TNPO2: variants seen among roughly 807,000 people sequenced by gnomAD.
TNPO2 encodes the protein transportin 2.
Under a neutral mutation model 111.1 loss-of-function variants are expected in TNPO2, and 16 were observed. That is an observed-to-expected ratio of 0.14 (90% confidence interval 0.10 to 0.22). The LOEUF (loss-of-function observed/expected upper bound fraction) is 0.22, where lower values mean the gene tolerates loss of function less well. Ranked by LOEUF, TNPO2 falls within the 10% of genes least tolerant of loss-of-function variation. The probability of loss-of-function intolerance (pLI) is 1.00; values close to 1 mark genes in which losing one functional copy is unlikely to be tolerated. For missense variants in TNPO2, 530 were observed against 1,173.7 expected (o/e 0.45, Z 8.01); for synonymous variants, 481 against 475.8 (o/e 1.01, Z -0.14).
In TNPO2 at chr19:12,710,745, G is replaced by T. The variant is rs2025989931; in HGVS notation, c.1146C>A (p.Val382=). 1 of 1,612,988 alleles carries T rather than the reference G, an allele frequency of 6.2e-7. No homozygotes were observed. The highest frequency in any genetic ancestry group is 2.2e-5 in the East Asian group (1 of 44,796). The change falls in exon 13 of 26, where the codon GTC becomes GTA. Residue 382 remains valine, a synonymous_variant. Transcript: ENST00000425528. The stretch of plus-strand genomic sequence containing the variant: ...GTTCCTCCCGGAAGACATTGGCGAG[G>T]ACGTCCAGTGCAGCCGCTGAGCACT... ...LRKCSAAALD[V]LANVFREELL...
intron 13 of TNPO2, among the ~76,000 whole-genome samples, chr19:12,708,095 T>A (rs1377265480): frequency 6.6e-6 from 1 of 152,172 alleles, no homozygotes; most frequent in African/African-American, 2.4e-5. Context: ...GTGCTGGGAT[T>A]ACAGGCGTGA....
At position 12,705,883 on chromosome 19, in the gene TNPO2, G is replaced by C; in HGVS notation, c.1669-115C>G. 10 of 803,404 alleles carry C rather than the reference G, an allele frequency of 1.2e-5. No homozygotes were observed. The South Asian group carries it at 1.9e-4, about 15-fold the overall frequency. The allele number at this position is 803,404 out of a possible 1,614,324, so 49.8% of individuals were successfully genotyped here. A position where few individuals can be genotyped will look rare whatever the true frequency, so the allele number is the denominator to read the frequency against. On this transcript the variant is annotated intron_variant, in intron 15 of 25. Coordinates refer to ENST00000425528, the MANE Select transcript of TNPO2 (RefSeq NM_001382241.1). The surrounding 1 kb of genome is among the most constrained non-coding windows in gnomAD (Gnocchi z 7.2). ...GCCTCACCGTGGCTCATGGGACCCTGAAAGGCCTGCCATCTGGCCAGACCT... is the reference window on the plus strand; with the variant it reads ...GCCTCACCGTGGCTCATGGGACCCTCAAAGGCCTGCCATCTGGCCAGACCT...
At chr19:12,717,194 G>T (rs2026410012) in intron 5 of TNPO2, among the ~76,000 whole-genome samples, 1 of 148,640 alleles carries the variant, frequency 6.7e-6, no homozygotes, top group African/African-American at 2.6e-5. Flanking sequence ...GTGTGCCTCA[G>T]TGCTTCCAGC....
Position 12,701,568 on chromosome 19 carries a change from A to G in TNPO2, c.2586+30T>C, listed in dbSNP as rs1224028503. The G allele has an allele frequency of 6.2e-7, 1 of 1,612,610 alleles. No individual in the cohort carries two copies. Among genetic ancestry groups the G allele is most frequent in the South Asian group, 1.1e-5 (1 of 91,040 alleles). On this transcript the variant is annotated intron_variant, in intron 24 of 25. Transcript: ENST00000425528. The surrounding 1 kb of genome is among the most constrained non-coding windows in gnomAD (Gnocchi z 5.0). ...TGGTCTCACCCCTGCCTGCTCCCGG[A>G]ACTAGATCAGGGCCCAGACAGAGCC...
At chr19:12,717,015 T>C (rs1046799351) in intron 5 of TNPO2, among the ~76,000 whole-genome samples, 1 of 152,136 alleles carries the variant, frequency 6.6e-6, no homozygotes, top group Admixed American at 6.5e-5. Flanking sequence ...ACAGTGCACA[T>C]ATCTGGTGAC....
At position 12,701,934 on chromosome 19, in the gene TNPO2, T is replaced by A; in HGVS notation, c.2412-83A>T. 7.0e-7 allele frequency: 1 copy of A among 1,422,644 alleles called. No homozygotes were observed. The highest frequency in any genetic ancestry group is 9.9e-7 in the Non-Finnish European group (1 of 1,009,110). The allele number at this position is 1,422,644 out of a possible 1,614,324, so 88.1% of individuals were successfully genotyped here. A position where few individuals can be genotyped will look rare whatever the true frequency, so the allele number is the denominator to read the frequency against. On this transcript the variant is annotated intron_variant, in intron 22 of 25. Transcript: ENST00000425528. The surrounding 1 kb of genome is among the most constrained non-coding windows in gnomAD (Gnocchi z 5.0). ...GGCTGGGTCACTGGGGATCAGTGAG[T>A]GGGCCTGGGACATGCATCTGTGGGG...
At position 12,699,710 on chromosome 19, in the gene TNPO2, G is replaced by A. The variant is rs2145428523; in HGVS notation, c.*1554C>T. ...CCAGAGACCTGCTCGAGTTTCATGG[G>A]GTGGGCGTGCAGGGACACCCAGCTA... is the stretch of plus-strand genomic sequence containing the variant. On this transcript the variant is annotated 3_prime_UTR_variant, in exon 26 of 26. Transcript: ENST00000425528. 1 of 152,232 alleles carries A rather than the reference G, an allele frequency of 6.6e-6. No homozygotes were observed. The highest frequency in any genetic ancestry group is 1.9e-4 in the East Asian group (1 of 5,162). The allele number at this position is 152,232 out of a possible 1,614,324, so 9.4% of individuals were successfully genotyped here.
intron 10 of TNPO2, among the ~76,000 whole-genome samples, chr19:12,714,043 A>G (rs1357555204): frequency 6.6e-6 from 1 of 152,144 alleles, no homozygotes; most frequent in African/African-American, 2.4e-5. Flanking sequence ...TAAAAAAGAA[A>G]AAAATGATTT....
chr19:12,711,137 G>A (rs544712528), intron 12 of TNPO2, 159 bp downstream of exon 12: 15 of 839,066 alleles, frequency 1.8e-5, no homozygotes, highest in Middle Eastern at 3.5e-4. Flanking sequence ...CTCGTGATCC[G>A]CCCGCCTCAG....
chr19:12,704,436 A>C (rs1176303709), intron 18 of TNPO2, among the ~76,000 whole-genome samples: 1 of 152,192 alleles, frequency 6.6e-6, no homozygotes, highest in East Asian at 1.9e-4. Context: ...ATTCTCCTGT[A>C]CACTTAGCAT....
Position 12,703,846 on chromosome 19 carries a change from T to C in TNPO2, c.2023-45A>G, listed in dbSNP as rs936444788. On this transcript the variant is annotated intron_variant, in intron 18 of 25. Transcript: ENST00000425528. ...CAGTGTGGCTAGGCTCCCCTCCTTCTAACCAGGACAGCTCAGGGGGCACAG... is the reference window on the plus strand; with the variant it reads ...CAGTGTGGCTAGGCTCCCCTCCTTCCAACCAGGACAGCTCAGGGGGCACAG... The C allele has an allele frequency of 4.6e-6, 7 of 1,508,170 alleles. No homozygotes were observed. In the Admixed American group the frequency reaches 6.1e-5, roughly 13 times the overall value. The allele number at this position is 1,508,170 out of a possible 1,614,324, so 93.4% of individuals were successfully genotyped here.
Position 12,701,952 on chromosome 19 carries a change from C to T in TNPO2, c.2412-101G>A. 7.2e-7 allele frequency: 1 copy of T among 1,390,258 alleles called. No homozygotes were observed. Among genetic ancestry groups the T allele is most frequent in the Non-Finnish European group, 1.0e-6 (1 of 979,094 alleles). 86.1% of individuals were successfully genotyped at this position (1,390,258 alleles called of 1,614,324 possible). ...CAGTGAGTGGGCCTGGGACATGCATCTGTGGGGGTGGGGCAGGGCAGGGAG... is the reference window on the plus strand; with the variant it reads ...CAGTGAGTGGGCCTGGGACATGCATTTGTGGGGGTGGGGCAGGGCAGGGAG... On this transcript the variant is annotated intron_variant, in intron 22 of 25. Transcript: ENST00000425528. This position sits in a 1 kb window ranked among gnomAD's most constrained non-coding sequence, Gnocchi z 5.0.
Position 12,721,100 on chromosome 19 carries a change from G to T in TNPO2, c.-13-110C>A, listed in dbSNP as rs2026666076. The T allele has an allele frequency of 2.0e-6, 3 of 1,526,174 alleles. No homozygotes were observed. Among genetic ancestry groups the T allele is most frequent in the Non-Finnish European group, 2.6e-6 (3 of 1,142,746 alleles). 94.5% of individuals were successfully genotyped at this position (1,526,174 alleles called of 1,614,324 possible). A position where few individuals can be genotyped will look rare whatever the true frequency, so the allele number is the denominator to read the frequency against. On this transcript the variant is annotated intron_variant, in intron 2 of 25. Transcript: ENST00000425528. This position sits in a 1 kb window ranked among gnomAD's most constrained non-coding sequence, Gnocchi z 4.9. ...GCATGACGACGGGAACGCCCTCGGC[G>T]GACAGGCGGAGGCCTCCGATCCACG...
intron 12 of TNPO2, 188 bp downstream of exon 12, chr19:12,711,108 A>C: frequency 1.4e-6 from 1 of 705,164 alleles, no homozygotes; most frequent in Non-Finnish European, 2.3e-6. Context: ...GTTAGCCAGG[A>C]TGGTGTTGAT....
rs970504141 is a variant in TNPO2, at chr19:12,719,597, A to G, written c.100-261T>C. ...TGGATCACAAGGTCAGGAGTTCGAG[A>G]CTAGCCTGGCCAGCGTGGTGAAACC... On this transcript the variant is annotated intron_variant, in intron 3 of 25. Transcript: ENST00000425528. This position sits in a 1 kb window ranked among gnomAD's most constrained non-coding sequence, Gnocchi z 5.0. Among the ~76,000 whole-genome samples, 17 of 152,262 alleles carry G rather than the reference A, an allele frequency of 1.1e-4. No homozygotes were observed. Among genetic ancestry groups the G allele is most frequent in the African/African-American group, 4.1e-4 (17 of 41,544 alleles).
Position 12,711,629 on chromosome 19 carries a change from C to G in TNPO2, c.891-16G>C. On this transcript the variant is annotated splice_polypyrimidine_tract_variant and intron_variant, in intron 10 of 25. Transcript: ENST00000425528. Reference sequence around the variant, plus strand: ...GGGGATCAACCTGCACAGAGAGGGACTGTTTATGGGGATGCAGGGGCCGTG... The same window carrying G: ...GGGGATCAACCTGCACAGAGAGGGAGTGTTTATGGGGATGCAGGGGCCGTG... 6 of 1,612,036 alleles carry G rather than the reference C, an allele frequency of 3.7e-6. No homozygotes were observed. Among genetic ancestry groups the G allele is most frequent in the Non-Finnish European group, 5.1e-6 (6 of 1,179,058 alleles).
intron 5 of TNPO2, among the ~76,000 whole-genome samples, chr19:12,717,573 G>A (rs764978065): frequency 1.7e-4 from 26 of 151,998 alleles, no homozygotes; most frequent in Admixed American, 7.9e-4. Flanking sequence ...TGCTCAGCCT[G>A]GATCAGTAAG....
chr19:12,710,824 G>A, intron 12 of TNPO2, 51 bp from the exon 13 acceptor site: 1 of 1,541,070 alleles, frequency 6.5e-7, no homozygotes, highest in Non-Finnish European at 8.8e-7. Flanking sequence ...TCAGGCAGGT[G>A]GCCGACCCTC....
Position 12,702,741 on chromosome 19 carries a change from C to T in TNPO2, c.2305+82G>A. ...CCCTCCTTGGTTCCTTGACAAGGCT[C>T]TTTCTGATGCCCTTCCCAGCCCAGA... On this transcript the variant is annotated intron_variant, in intron 21 of 25. Coordinates refer to ENST00000425528, the MANE Select transcript of TNPO2 (RefSeq NM_001382241.1). This position sits in a 1 kb window ranked among gnomAD's most constrained non-coding sequence, Gnocchi z 5.5. The T allele has an allele frequency of 1.5e-6, 2 of 1,318,396 alleles. No individual in the cohort carries two copies. The highest frequency in any genetic ancestry group is 2.2e-6 in the Non-Finnish European group (2 of 921,438). 81.7% of individuals were successfully genotyped at this position (1,318,396 alleles called of 1,614,324 possible). A position where few individuals can be genotyped will look rare whatever the true frequency, so the allele number is the denominator to read the frequency against.
Sources: gnomAD v4.1 joint callset for allele counts (sites outside exome capture counted in the v4.1 genomes callset) on GRCh38, gnomAD v4.1.1 for gene constraint, Gnocchi (gnomAD v3.1) non-coding constraint, MANE v1.5 for transcripts, NCBI Gene and HGNC (gene_info 2026-07-23, HGNC 2026-07-21) for gene names.